GALNT13: variants seen among roughly 807,000 people sequenced by gnomAD.
GALNT13 encodes the protein UDP-GalNAc:polypeptide N-acetylgalactosaminyltransferase 13.
Under a neutral mutation model 64.2 loss-of-function variants are expected in GALNT13, and 28 were observed. That is an observed-to-expected ratio of 0.44 (90% confidence interval 0.32 to 0.60). The LOEUF (loss-of-function observed/expected upper bound fraction) is 0.60. Among genes scored for constraint, GALNT13 ranks in the 20% least tolerant of loss-of-function variants. The pLI is 0.05. For synonymous variants in GALNT13, 214 were observed against 224.6 expected (o/e 0.95, Z 0.42); for missense variants, 577 against 669.8 (o/e 0.86, Z 1.53).
At chr2:154,219,787 C>A (rs559029885) in intron 4 of GALNT13, among the ~76,000 whole-genome samples, 1 of 152,110 alleles carries the variant, frequency 6.6e-6, no homozygotes, top group Admixed American at 6.6e-5. Context: ...ATGAAGAATG[C>A]CAGTCTCCAC....
the GALNT13 span, among the ~76,000 whole-genome samples, chr2:153,294,460 A>G: frequency 3.2e-3 from 489 of 152,294 alleles, 2 homozygotes; most frequent in African/African-American, 0.011. Flanking sequence ...ACAGTTTTAC[A>G]TGTTGAATTT....
the GALNT13 span, among the ~76,000 whole-genome samples, chr2:153,856,747 G>A: frequency 3.1e-4 from 47 of 150,698 alleles, no homozygotes; most frequent in African/African-American, 1.0e-3. Context: ...CCTTTGATTG[G>A]GCAGTTCTTT....
At chr2:153,654,055 C>T in the GALNT13 span, among the ~76,000 whole-genome samples, 1 of 151,990 alleles carries the variant, frequency 6.6e-6, no homozygotes, top group Non-Finnish European at 1.5e-5. Flanking sequence ...TGATAAGATG[C>T]ATTAAGATAC....
chr2:154,454,126 A>C (rs752207936), downstream of GALNT13, among the ~76,000 whole-genome samples: 38 of 152,116 alleles, frequency 2.5e-4, no homozygotes, highest in Non-Finnish European at 5.0e-4. Context: ...ACTATTACTA[A>C]ATTTATCTTC....
chr2:153,134,583 A>T, the GALNT13 span, among the ~76,000 whole-genome samples: 11 of 152,126 alleles, frequency 7.2e-5, no homozygotes, highest in Non-Finnish European at 1.6e-4. Context: ...TGTCTTTGCT[A>T]TCAACAAACT....
upstream of GALNT13, among the ~76,000 whole-genome samples, chr2:153,869,331 G>A (rs886254558): frequency 7.2e-5 from 11 of 152,094 alleles, no homozygotes; most frequent in Middle Eastern, 3.4e-3. Flanking sequence ...TATATTAATA[G>A]ATATTATTCC....
the GALNT13 span, among the ~76,000 whole-genome samples, chr2:153,456,071 T>A: frequency 1.3e-5 from 2 of 152,146 alleles, no homozygotes; most frequent in Admixed American, 1.3e-4. Context: ...CCAGCCATAG[T>A]TCCATCTACC....
the GALNT13 span, among the ~76,000 whole-genome samples, chr2:153,851,688 A>T: frequency 6.6e-6 from 1 of 152,136 alleles, no homozygotes; most frequent in South Asian, 2.1e-4. Flanking sequence ...CAGAGCAAGA[A>T]CCTGTCTCAA....
the GALNT13 span, among the ~76,000 whole-genome samples, chr2:153,769,034 C>G: frequency 6.6e-6 from 1 of 152,036 alleles, no homozygotes; most frequent in Non-Finnish European, 1.5e-5. Flanking sequence ...ATGGTGGAGA[C>G]TTATTTTTTA....
At chr2:153,388,637 G>T in the GALNT13 span, among the ~76,000 whole-genome samples, 1 of 152,104 alleles carries the variant, frequency 6.6e-6, no homozygotes, top group South Asian at 2.1e-4. Flanking sequence ...GAGTTTGAAG[G>T]GACTTTTGCA....
At chr2:154,005,843 G>C (rs1696212771) in intron 3 of GALNT13, among the ~76,000 whole-genome samples, 1 of 152,136 alleles carries the variant, frequency 6.6e-6, no homozygotes, top group Admixed American at 6.5e-5. Context: ...AAGTATAACA[G>C]TCAGAGATTT....
At chr2:153,917,530 C>G (rs2105329395) in intron 2 of GALNT13, among the ~76,000 whole-genome samples, 1 of 152,050 alleles carries the variant, frequency 6.6e-6, no homozygotes. Flanking sequence ...GAAGTATTAA[C>G]AATTATGATA....
the GALNT13 span, among the ~76,000 whole-genome samples, chr2:153,085,456 G>C: frequency 6.6e-6 from 1 of 152,144 alleles, no homozygotes; most frequent in Non-Finnish European, 1.5e-5. Context: ...CAGGGCTGCT[G>C]TGTGCAGCCC....
chr2:153,507,068 T>C, the GALNT13 span, among the ~76,000 whole-genome samples: 1 of 152,146 alleles, frequency 6.6e-6, no homozygotes, highest in Non-Finnish European at 1.5e-5. Context: ...TTTGATGGAT[T>C]AATTTGATGG....
chr2:153,653,302 A>T, the GALNT13 span, among the ~76,000 whole-genome samples: 2 of 152,202 alleles, frequency 1.3e-5, no homozygotes, highest in Non-Finnish European at 2.9e-5. Context: ...AGGGAGCTTT[A>T]GAGAGAGAAT....
At chr2:153,211,711 A>G in the GALNT13 span, among the ~76,000 whole-genome samples, 20 of 152,260 alleles carry the variant, frequency 1.3e-4, no homozygotes, top group East Asian at 3.7e-3. Flanking sequence ...GCCTGGAAAG[A>G]GGAGAAATCT....
intron 4 of GALNT13, among the ~76,000 whole-genome samples, chr2:154,175,745 ATC>A (rs1463446089): frequency 1.3e-5 from 2 of 152,194 alleles, no homozygotes; most frequent in Non-Finnish European, 2.9e-5. Flanking sequence ...CTGGAAAATT[ATC>A]TCTATCTTGA....
the GALNT13 span, among the ~76,000 whole-genome samples, chr2:153,514,774 T>C: frequency 3.9e-5 from 6 of 152,128 alleles, no homozygotes; most frequent in Non-Finnish European, 8.8e-5. Flanking sequence ...ATTGGCTGCT[T>C]CCTCCATGCT....
At chr2:153,381,002 A>C in the GALNT13 span, among the ~76,000 whole-genome samples, 1 of 151,906 alleles carries the variant, frequency 6.6e-6, no homozygotes, top group Non-Finnish European at 1.5e-5. Context: ...GCAGTGGTGC[A>C]GTCACGGCTC....
Sources: allele counts gnomAD v4.1 joint callset (sites outside exome capture counted in the v4.1 genomes callset), GRCh38; gene constraint gnomAD v4.1.1; transcripts MANE v1.5; gene names NCBI Gene and HGNC (gene_info 2026-07-23, HGNC 2026-07-21).